LGMN: variants seen among roughly 807,000 people sequenced by gnomAD.
LGMN encodes the protein asparaginyl endopeptidase.
Under a neutral mutation model 56.8 loss-of-function variants are expected in LGMN, and 36 were observed. That is an observed-to-expected ratio of 0.63 (90% CI 0.49 to 0.84). The LOEUF is 0.84. LGMN is among the 40% of genes least tolerant of loss of function. LGMN has a pLI of 0.00. For missense variants in LGMN, 446 were observed against 556.1 expected (o/e 0.80, Z 1.99); for synonymous variants, 199 against 210.1 (o/e 0.95, Z 0.46).
intron 12 of LGMN, among the ~76,000 whole-genome samples, chr14:92,705,923 C>T (rs1253753424): frequency 2.6e-5 from 4 of 152,120 alleles, no homozygotes; most frequent in East Asian, 1.9e-4. Context: ...CCACCATGCC[C>T]GGCCCCAATA....
intron 2 of LGMN, among the ~76,000 whole-genome samples, chr14:92,730,728 T>C (rs1043068436): frequency 2.0e-5 from 3 of 152,164 alleles, no homozygotes; most frequent in African/African-American, 7.2e-5. Flanking sequence ...GCAGATCACC[T>C]GAGGTCAGGA....
intron 1 of LGMN, among the ~76,000 whole-genome samples, chr14:92,744,752 C>T (rs1329669553): frequency 2.0e-5 from 3 of 151,970 alleles, no homozygotes; most frequent in East Asian, 3.9e-4. Context: ...TGCACCACCA[C>T]GCCCGGCTAA....
chr14:92,732,919 G>A, intron 1 of LGMN, 104 bp from the exon 2 acceptor site: 7 of 827,830 alleles, frequency 8.5e-6, no homozygotes, highest in Non-Finnish European at 1.3e-5. Context: ...GGGAGGCCGA[G>A]GAGGGTGGAT....
chr14:92,714,487 T>C lies in LGMN; in HGVS notation c.405-36A>G, dbSNP rs1401332315. The stretch of plus-strand genomic sequence containing the variant: ...GGAATCGGGGGTCAATCATTTCCTT[T>C]TTCTGTTTTTACTTCTATTTCTCTG... On this transcript the variant is annotated intron_variant, in intron 5 of 13. Coordinates refer to ENST00000334869, the MANE Select transcript of LGMN (RefSeq NM_005606.7). This position sits in a 1 kb window ranked among gnomAD's most constrained non-coding sequence, Gnocchi z 5.1. 1 of 1,443,200 alleles carries C rather than the reference T, an allele frequency of 6.9e-7. No homozygotes were observed. The highest frequency in any genetic ancestry group is 1.2e-5 in the South Asian group (1 of 84,516). 89.4% of individuals were successfully genotyped at this position (1,443,200 alleles called of 1,614,324 possible). A position where few individuals can be genotyped will look rare whatever the true frequency, so the allele number is the denominator to read the frequency against.
intron 7 of LGMN, among the ~76,000 whole-genome samples, chr14:92,713,244 G>GT (rs904717880): frequency 9.9e-5 from 15 of 151,452 alleles, no homozygotes; most frequent in Admixed American, 9.2e-4. Flanking sequence ...TTTTTGTTTT[G>GT]TTTTTTTGTT....
intron 2 of LGMN, among the ~76,000 whole-genome samples, chr14:92,728,858 CA>C (rs1890878128): frequency 6.6e-6 from 1 of 152,130 alleles, no homozygotes; most frequent in South Asian, 2.1e-4. Flanking sequence ...CCACATCTTA[CA>C]ATGGAGATCT....
intron 2 of LGMN, among the ~76,000 whole-genome samples, chr14:92,732,240 C>A (rs759121487): frequency 1.3e-5 from 2 of 152,092 alleles, no homozygotes; most frequent in African/African-American, 2.4e-5. Flanking sequence ...GAGAATTCTG[C>A]GTTATTACAG....
At position 92,732,744 on chromosome 14, in the gene LGMN, T is replaced by C; in HGVS notation, c.43A>G (p.Ile15Val). The change falls in exon 2 of 14, where the codon ATT (isoleucine) becomes GTT (valine). Residue 15 changes from isoleucine (I) to valine (V), a missense_variant. Coordinates refer to ENST00000334869, the MANE Select transcript of LGMN (RefSeq NM_005606.7). Reference sequence around the variant, plus strand: ...GGATCATCTATAGGAACGGCACCAATGCCCAGGGCCACACTGAGGAATACA... The same window carrying C: ...GGATCATCTATAGGAACGGCACCAACGCCCAGGGCCACACTGAGGAATACA... ...VAVFLSVALG[I>V]GAVPIDDPED... 2 of 1,614,186 alleles carry C rather than the reference T, an allele frequency of 1.2e-6. No homozygotes were observed. Among genetic ancestry groups the C allele is most frequent in the Non-Finnish European group, 1.7e-6 (2 of 1,180,034 alleles).
intron 5 of LGMN, among the ~76,000 whole-genome samples, chr14:92,715,214 G>GGTGTGTGT (rs145432785): frequency 0.011 from 1,631 of 149,016 alleles, 17 homozygotes; most frequent in Non-Finnish European, 0.015. Context: ...GGTCAGGGTG[G>GGTGTGTGT]GTGTGTGTGT....
At chr14:92,723,592 A>G (rs1002504477) in intron 2 of LGMN, among the ~76,000 whole-genome samples, 2 of 152,198 alleles carry the variant, frequency 1.3e-5, no homozygotes, top group African/African-American at 4.8e-5. Flanking sequence ...AAAACATGAC[A>G]CTAGGGGAAG....
rs1248352752 is a variant in LGMN, at chr14:92,719,116, CCCA to C, written c.139-275_139-273del. Among the ~76,000 whole-genome samples the C allele has an allele frequency of 2.7e-4, 40 of 150,824 alleles. No homozygotes were observed. In the East Asian group the frequency reaches 3.7e-3, roughly 14 times the overall value. On this transcript the variant is annotated intron_variant, in intron 2 of 13. Coordinates refer to ENST00000334869, the MANE Select transcript of LGMN (RefSeq NM_005606.7). The stretch of plus-strand genomic sequence containing the variant: ...TGTGAGCACACGTGCACATACACAC[CCCA>C]CCACCACAACCACCGCCACCGCCAC...
intron 8 of LGMN, 45 bp from the exon 9 acceptor site, chr14:92,712,000 C>T: frequency 7.1e-7 from 1 of 1,407,480 alleles, no homozygotes; most frequent in Non-Finnish European, 1.0e-6. Context: ...TTTATTCCTG[C>T]CTTGGATTAC....
In LGMN at chr14:92,748,610, G is replaced by T. The variant is rs1171810828; in HGVS notation, c.-151C>A. On this transcript the variant is annotated 5_prime_UTR_variant, in exon 1 of 14. Transcript: ENST00000334869. ...CAGCCTCACACCAAACACCCACGAC[G>T]TCGGCACTGCTGTGATTGCTGCGGG... 27 of 153,258 alleles carry T rather than the reference G, an allele frequency of 1.8e-4. No individual in the cohort carries two copies. The Admixed American group carries it at 1.8e-3, about 10-fold the overall frequency. 9.5% of individuals were successfully genotyped at this position (153,258 alleles called of 1,614,324 possible).
At chr14:92,742,566 T>C (rs769175378) in intron 1 of LGMN, among the ~76,000 whole-genome samples, 32 of 151,988 alleles carry the variant, frequency 2.1e-4, no homozygotes, top group Non-Finnish European at 3.2e-4. Flanking sequence ...GGATTACAGA[T>C]GTGAGCCACT....
intron 4 of LGMN, among the ~76,000 whole-genome samples, chr14:92,717,000 G>A (rs1890106102): frequency 6.6e-6 from 1 of 152,056 alleles, no homozygotes; most frequent in South Asian, 2.1e-4. Context: ...AACTATCTCA[G>A]CAAAAATCCT....
Position 92,732,687 on chromosome 14 carries a change from C to G in LGMN, c.100G>C (p.Val34Leu), listed in dbSNP as rs747666297. ...TTATACCAGCCATTTGAACCTGCCA[C>G]GATCACCACCCAGTGCTTGCCTCCA... is the stretch of plus-strand genomic sequence containing the variant. ...EDGGKHWVVI[V>L]AGSNGWYNYR... The change falls in exon 2 of 14, where the codon GTG becomes CTG. Residue 34 changes from valine (V) to leucine (L), a missense_variant. Val to Leu is a conservative substitution (Grantham distance 32). Coordinates refer to ENST00000334869, the MANE Select transcript of LGMN (RefSeq NM_005606.7). 6.2e-7 allele frequency: 1 copy of G among 1,614,042 alleles called. No individual in the cohort carries two copies. The highest frequency in any genetic ancestry group is 8.5e-7 in the Non-Finnish European group (1 of 1,180,016).
At chr14:92,745,712 TG>T (rs1314090510) in intron 1 of LGMN, among the ~76,000 whole-genome samples, 1 of 152,264 alleles carries the variant, frequency 6.6e-6, no homozygotes, top group Non-Finnish European at 1.5e-5. Context: ...CAAATGTCTC[TG>T]GCTTCTTAGT....
At chr14:92,734,792 G>A (rs915554494) in intron 1 of LGMN, among the ~76,000 whole-genome samples, 1 of 152,298 alleles carries the variant, frequency 6.6e-6, no homozygotes, top group South Asian at 2.1e-4. Context: ...TATAGTCACT[G>A]AGATGTGGGG....
rs960050409 is a variant in LGMN, at chr14:92,718,348, C to T, written c.236+399G>A. On this transcript the variant is annotated intron_variant, in intron 3 of 13. Coordinates refer to ENST00000334869, the MANE Select transcript of LGMN (RefSeq NM_005606.7). ...CAGCATTTTGGGAGGCCAAGGCAGC[C>T]GGATCACTTGAGGTCAGGAGTTCAA... Among the ~76,000 whole-genome samples the T allele has an allele frequency of 5.3e-5, 8 of 152,024 alleles. No homozygotes were observed. The East Asian group carries it at 9.7e-4, about 18-fold the overall frequency.
Sources: gnomAD v4.1 joint callset for allele counts (sites outside exome capture counted in the v4.1 genomes callset) on GRCh38, gnomAD v4.1.1 for gene constraint, Gnocchi (gnomAD v3.1) non-coding constraint, MANE v1.5 for transcripts, NCBI Gene and HGNC (gene_info 2026-07-23, HGNC 2026-07-21) for gene names.